Variants in C4orf50 observed in about 807,000 individuals in gnomAD.
C4orf50 encodes the protein chromosome 4 open reading frame 50, also known as uncharacterized protein C4orf50.
A neutral mutation model predicts 77.2 loss-of-function variants in C4orf50; 80 were observed. That is an observed-to-expected ratio of 1.04 (90% CI 0.87 to 1.25). C4orf50 has a LOEUF of 1.25. Among genes scored for constraint, C4orf50 ranks in the 50% most tolerant of loss-of-function variants. C4orf50 has a pLI of 0.00. For missense variants in C4orf50, 1,257 were observed against 1,152.9 expected (o/e 1.09, Z -1.31); for synonymous variants, 532 against 465.3 (o/e 1.14, Z -1.84).
chr4:5,907,272 TTA>T (rs1233874815), intron 7 of C4orf50, among the ~76,000 whole-genome samples: 1 of 152,192 alleles, frequency 6.6e-6, no homozygotes, highest in Non-Finnish European at 1.5e-5. Context: ...GAACAACCGT[TTA>T]AGAAGTAACA....
At chr4:5,995,724 C>T (rs1337088297) in intron 25 of C4orf50, among the ~76,000 whole-genome samples, 1 of 152,200 alleles carries the variant, frequency 6.6e-6, no homozygotes, top group Non-Finnish European at 1.5e-5. Context: ...ACGGTAGGTG[C>T]TTAATAAATG....
chr4:5,938,512 C>A (rs965541180), intron 7 of C4orf50, among the ~76,000 whole-genome samples: 1 of 152,154 alleles, frequency 6.6e-6, no homozygotes, highest in Admixed American at 6.6e-5. Context: ...GAAAGACAAG[C>A]CTTCCCAGCA....
chr4:5,911,177 G>A (rs1285320473), intron 7 of C4orf50, among the ~76,000 whole-genome samples: 1 of 152,116 alleles, frequency 6.6e-6, no homozygotes, highest in African/African-American at 2.4e-5. Flanking sequence ...CCAAAGTGCT[G>A]GGATTACAGG....
intron 30 of C4orf50, among the ~76,000 whole-genome samples, chr4:5,975,429 G>T (rs1377480860): frequency 1.3e-5 from 2 of 152,160 alleles, no homozygotes; most frequent in East Asian, 3.9e-4. Context: ...TGGAGGAAAA[G>T]ACATGGAAAT....
At chr4:5,915,170 C>T (rs749527086) in intron 7 of C4orf50, among the ~76,000 whole-genome samples, 6 of 152,172 alleles carry the variant, frequency 3.9e-5, no homozygotes, top group Non-Finnish European at 7.4e-5. Context: ...TGAAATACCC[C>T]CTTCCTGGGT....
At chr4:5,965,096 T>C (rs1719493990) in exon 33 of C4orf50, 1 of 1,612,202 alleles carries the variant, frequency 6.2e-7, no homozygotes, top group African/African-American at 1.3e-5. Flanking sequence ...CTGAAGACAA[T>C]GAGCTTTGGA....
intron 25 of C4orf50, among the ~76,000 whole-genome samples, chr4:5,995,103 G>A (rs750776922): frequency 1.3e-5 from 2 of 152,094 alleles, no homozygotes; most frequent in Non-Finnish European, 1.5e-5. Flanking sequence ...AAAGTGGACT[G>A]CTGCCCTAAA....
chr4:5,998,524 A>G (rs780769333), intron 25 of C4orf50, among the ~76,000 whole-genome samples: 9 of 152,208 alleles, frequency 5.9e-5, no homozygotes, highest in Non-Finnish European at 1.3e-4. Flanking sequence ...CTCTACGCAC[A>G]CTGCCAGGGC....
intron 25 of C4orf50, among the ~76,000 whole-genome samples, chr4:6,005,334 G>A (rs1409073009): frequency 6.6e-6 from 1 of 152,182 alleles, no homozygotes; most frequent in East Asian, 1.9e-4. Context: ...GTGCAGCCTT[G>A]AGAACTGAGC....
intron 7 of C4orf50, among the ~76,000 whole-genome samples, chr4:5,947,660 C>T (rs1718540080): frequency 6.6e-6 from 1 of 152,042 alleles, no homozygotes; most frequent in African/African-American, 2.4e-5. Flanking sequence ...ACTCACAGCC[C>T]TTCCTTTTGC....
intron 28 of C4orf50, among the ~76,000 whole-genome samples, chr4:5,980,921 G>C (rs1720550292): frequency 6.6e-6 from 1 of 152,138 alleles, no homozygotes; most frequent in South Asian, 2.1e-4. Context: ...GAGATTAGCG[G>C]GTTTCATTCA....
Position 6,007,476 on chromosome 4 carries a change from A to C in C4orf50, c.963+520T>G, listed in dbSNP as rs2108808741. ...GGAAGCAGGCCCTCCCCCAACACCA[A>C]ATCTGCTGGTGCCTTGATCTTGGAC... On this transcript the variant is annotated intron_variant, in intron 25 of 33. Transcript: ENST00000531445. This position sits in a 1 kb window ranked among gnomAD's most constrained non-coding sequence, Gnocchi z 4.1. Among the ~76,000 whole-genome samples the C allele has an allele frequency of 6.6e-6, 1 of 152,262 alleles. No individual in the cohort carries two copies. The highest frequency in any genetic ancestry group is 3.4e-3 in the Middle Eastern group (1 of 294).
chr4:5,976,002 A>T, intron 29 of C4orf50, 47 bp from the exon 8 acceptor site: 1 of 1,511,740 alleles, frequency 6.6e-7, no homozygotes, highest in Non-Finnish European at 9.2e-7. Context: ...GTCACTTACC[A>T]CTGTCCAGAG....
rs1029329537 is a variant in C4orf50 at position 6,017,151 on chromosome 4, C to G, written c.287+994G>C. On this transcript the variant is annotated intron_variant, in intron 23 of 33. Coordinates refer to ENST00000531445, the Ensembl canonical transcript of C4orf50. The surrounding 1 kb of genome is among the most constrained non-coding windows in gnomAD (Gnocchi z 4.7). ...CAAACAGTGCCCACAGCAGGAAGTT[C>G]TACAGAGAGAAACGAATGCGGAGAA... 3.9e-5 allele frequency among the ~76,000 whole-genome samples: 6 copies of G among 152,210 alleles called. No individual in the cohort carries two copies. The highest frequency in any genetic ancestry group is 2.0e-4 in the Admixed American group (3 of 15,288).
At chr4:5,976,249 T>C (rs112621553) in intron 29 of C4orf50, among the ~76,000 whole-genome samples, 12 of 150,200 alleles carry the variant, frequency 8.0e-5, no homozygotes, top group African/African-American at 2.9e-4. Flanking sequence ...ATCGAGACCA[T>C]CCTGGCTAAC....
intron 30 of C4orf50, 97 bp downstream of exon 8, chr4:5,975,802 T>C: frequency 4.0e-6 from 4 of 1,001,834 alleles, no homozygotes; most frequent in Non-Finnish European, 6.3e-6. Flanking sequence ...CCCAGACTTT[T>C]ATACAATAGA....
At chr4:5,989,509 T>C in exon 28 of C4orf50, 1 of 1,536,162 alleles carries the variant, frequency 6.5e-7, no homozygotes, top group Non-Finnish European at 8.7e-7. Context: ...CCAGCCACTG[T>C]GCCACTTCTG....
rs1156439890 is a variant in C4orf50, at chr4:5,905,653, T to C, written c.*2475-7465A>G. ...AGGAAAGAATCTTAGCTTGGAATTA[T>C]TAGATAATGCTCTCTTTATTTGGGG... is the stretch of plus-strand genomic sequence containing the variant. On this transcript the variant is annotated intron_variant, in intron 7 of 7. Coordinates refer to the C4orf50 transcript ENST00000324058. The surrounding 1 kb of genome is among the most constrained non-coding windows in gnomAD (Gnocchi z 5.4). Among the ~76,000 whole-genome samples, 3 of 152,230 alleles carry C rather than the reference T, an allele frequency of 2.0e-5. No homozygotes were observed. Among genetic ancestry groups the C allele is most frequent in the African/African-American group, 7.2e-5 (3 of 41,456 alleles).
rs183506733 is a variant in C4orf50, at chr4:5,919,678, C to T, written c.*2475-21490G>A. ...GAGACACTGAGTAGTCAGGCCTTTGCGAGGCTGGCTGCTGCAAATAAGAAT... is the reference window on the plus strand; with the variant it reads ...GAGACACTGAGTAGTCAGGCCTTTGTGAGGCTGGCTGCTGCAAATAAGAAT... On this transcript the variant is annotated intron_variant, in intron 7 of 7. Transcript: ENST00000324058. This position sits in a 1 kb window ranked among gnomAD's most constrained non-coding sequence, Gnocchi z 6.5. Among the ~76,000 whole-genome samples, 4 of 152,232 alleles carry T rather than the reference C, an allele frequency of 2.6e-5. No individual in the cohort carries two copies. The highest frequency in any genetic ancestry group is 4.4e-5 in the Non-Finnish European group (3 of 68,010).
Sources: allele counts gnomAD v4.1 joint callset (sites outside exome capture counted in the v4.1 genomes callset), GRCh38; gene constraint gnomAD v4.1.1; non-coding constraint Gnocchi (gnomAD v3.1); transcripts MANE v1.5; gene names NCBI Gene and HGNC (gene_info 2026-07-23, HGNC 2026-07-21).